The following DNM3 variants were observed in gnomAD, a reference collection of about 807,000 sequenced individuals.
DNM3 encodes the protein dynamin-3.
A neutral mutation model predicts 101.6 loss-of-function variants in DNM3; 47 were observed. That is an observed-to-expected ratio of 0.46 (90% confidence interval 0.37 to 0.59). The LOEUF is 0.59. Among genes scored for constraint, DNM3 ranks in the 20% least tolerant of loss-of-function variants. The probability of loss-of-function intolerance (pLI) is 0.00; values close to 1 mark genes in which losing one functional copy is unlikely to be tolerated. For missense variants in DNM3, 849 were observed against 1,085.7 expected, an observed-to-expected ratio of 0.78 and a Z score of 3.06; for synonymous variants, 385 against 387.9, an observed-to-expected ratio of 0.99 and a Z score of 0.09.
intron 2 of DNM3, among the ~76,000 whole-genome samples, chr1:171,947,193 A>G (rs1441160543): frequency 6.6e-6 from 1 of 152,122 alleles, no homozygotes; most frequent in African/African-American, 2.4e-5. Flanking sequence ...TATTCCTTTA[A>G]TGGCAGCATG....
intron 4 of DNM3, among the ~76,000 whole-genome samples, chr1:172,007,767 AG>A (rs2046793816): frequency 6.6e-6 from 1 of 151,960 alleles, no homozygotes; most frequent in African/African-American, 2.4e-5. Flanking sequence ...GTTTTAAAAA[AG>A]TTTAATTTAT....
intron 1 of DNM3, among the ~76,000 whole-genome samples, chr1:171,912,332 G>T (rs1257781099): frequency 6.6e-6 from 1 of 152,022 alleles, no homozygotes; most frequent in Non-Finnish European, 1.5e-5. Context: ...CTTAATAGGG[G>T]AACATTTAAT....
In DNM3 at chr1:172,408,459, C is replaced by A; in HGVS notation, c.*618C>A. 5 of 985,370 alleles carry A rather than the reference C, an allele frequency of 5.1e-6. No homozygotes were observed. Among genetic ancestry groups the A allele is most frequent in the Non-Finnish European group, 6.0e-6 (5 of 829,896 alleles). 61.0% of individuals were successfully genotyped at this position (985,370 alleles called of 1,614,324 possible). A position where few individuals can be genotyped will look rare whatever the true frequency, so the allele number is the denominator to read the frequency against. ...GCACTGTTTGCTCTAAAGAGCTTCTCCTCATTCCAATGTGTTTTGCTTCAT... is the reference window on the plus strand; with the variant it reads ...GCACTGTTTGCTCTAAAGAGCTTCTACTCATTCCAATGTGTTTTGCTTCAT... On this transcript the variant is annotated 3_prime_UTR_variant, in exon 21 of 21. Coordinates refer to ENST00000627582, the MANE Select transcript of DNM3 (RefSeq NM_015569.5).
At chr1:172,377,330 A>G (rs990204766) in intron 17 of DNM3, among the ~76,000 whole-genome samples, 8 of 151,730 alleles carry the variant, frequency 5.3e-5, no homozygotes, top group Admixed American at 5.3e-4. Flanking sequence ...GGAATACAAT[A>G]TTTGCTCAAT....
chr1:171,899,069 G>A (rs2038074008), intron 1 of DNM3, among the ~76,000 whole-genome samples: 1 of 152,188 alleles, frequency 6.6e-6, no homozygotes, highest in Non-Finnish European at 1.5e-5. Flanking sequence ...TGCCTAGCTG[G>A]GCTGAGGCAG....
intron 2 of DNM3, among the ~76,000 whole-genome samples, chr1:171,952,079 G>A (rs2042563311): frequency 6.6e-6 from 1 of 152,170 alleles, no homozygotes; most frequent in Non-Finnish European, 1.5e-5. Flanking sequence ...TAAGATAAGG[G>A]AGGTTGTGGA....
intron 14 of DNM3, among the ~76,000 whole-genome samples, chr1:172,197,907 T>C (rs1285636163): frequency 6.6e-6 from 1 of 152,158 alleles, no homozygotes; most frequent in African/African-American, 2.4e-5. Context: ...TTTTTCTTTC[T>C]CCTGCCTGAT....
rs58198768 is a variant in DNM3 at position 171,894,073 on chromosome 1, C to T, written c.162-27675C>T. On this transcript the variant is annotated intron_variant, in intron 1 of 20. Transcript: ENST00000627582. ...TCCTGACCTCATGATCTGCCCACCT[C>T]GGCCTCCCAAAGTGCTGGGATTACA... Among the ~76,000 whole-genome samples, 105 of 150,546 alleles carry T rather than the reference C, an allele frequency of 7.0e-4. 2 individuals are homozygous for T. The East Asian group carries it at 0.02, about 29-fold the overall frequency.
chr1:172,002,231 T>C (rs1264670255), intron 4 of DNM3, among the ~76,000 whole-genome samples: 1 of 152,080 alleles, frequency 6.6e-6, no homozygotes, highest in Non-Finnish European at 1.5e-5. Flanking sequence ...AATCAGTTAA[T>C]ATGTATGAAA....
chr1:171,980,194 G>A (rs1003066952), intron 2 of DNM3, among the ~76,000 whole-genome samples: 1 of 133,790 alleles, frequency 7.5e-6, no homozygotes, highest in Admixed American at 7.4e-5. Flanking sequence ...GTTTATTTTA[G>A]CAATACAGTT....
At chr1:171,852,272 A>G (rs1337188888) in intron 1 of DNM3, among the ~76,000 whole-genome samples, 1 of 152,196 alleles carries the variant, frequency 6.6e-6, no homozygotes, top group Admixed American at 6.5e-5. Context: ...TATTTTCTTT[A>G]TATGAAATTT....
chr1:171,981,319 A>C (rs1199039450), intron 2 of DNM3, among the ~76,000 whole-genome samples: 1 of 152,214 alleles, frequency 6.6e-6, no homozygotes, highest in African/African-American at 2.4e-5. Context: ...TCCAGTTAAA[A>C]TTTTGAGGAA....
At chr1:172,265,287 T>C (rs1372513273) in intron 15 of DNM3, among the ~76,000 whole-genome samples, 2 of 152,002 alleles carry the variant, frequency 1.3e-5, no homozygotes, top group Admixed American at 6.5e-5. Flanking sequence ...GGTGAATTAA[T>C]ATAATCTTTA....
At chr1:171,915,443 G>A (rs1044704110) in intron 1 of DNM3, among the ~76,000 whole-genome samples, 1 of 152,046 alleles carries the variant, frequency 6.6e-6, no homozygotes, top group Non-Finnish European at 1.5e-5. Context: ...GACAAGAGAG[G>A]GTGAATTTAA....
chr1:172,081,107 A>G (rs2053110258), intron 11 of DNM3, among the ~76,000 whole-genome samples: 1 of 150,354 alleles, frequency 6.7e-6, no homozygotes. Context: ...TTATTAAGAG[A>G]TGGGGTCTTG....
rs192851299 is a variant in DNM3 at position 172,232,558 on chromosome 1, T to C, written c.1660-21015T>C. 4.0e-4 allele frequency among the ~76,000 whole-genome samples: 61 copies of C among 152,252 alleles called. No homozygotes were observed. In the East Asian group the frequency reaches 4.6e-3, roughly 12 times the overall value. On this transcript the variant is annotated intron_variant, in intron 14 of 20. Coordinates refer to ENST00000627582, the MANE Select transcript of DNM3 (RefSeq NM_015569.5). ...CAGACCTAATAGACATCTACAGGAC[T>C]CTCCACCCCAAATCAACAGAATATA...
At chr1:172,195,462 G>A (rs1424371434) in intron 14 of DNM3, among the ~76,000 whole-genome samples, 1 of 151,664 alleles carries the variant, frequency 6.6e-6, no homozygotes, top group African/African-American at 2.4e-5. Context: ...ATATGATATT[G>A]AATGGGAGTT....
At chr1:172,184,211 C>T (rs1415895339) in intron 14 of DNM3, among the ~76,000 whole-genome samples, 1 of 152,092 alleles carries the variant, frequency 6.6e-6, no homozygotes, top group African/African-American at 2.4e-5. Context: ...CAATCCCAGA[C>T]ACACTGATGG....
chr1:171,852,010 A>G (rs2033036876), intron 1 of DNM3, among the ~76,000 whole-genome samples: 1 of 152,242 alleles, frequency 6.6e-6, no homozygotes, highest in African/African-American at 2.4e-5. Flanking sequence ...ATGGCAGGAC[A>G]TATCTTTTTA....
Sources: allele counts gnomAD v4.1 joint callset (sites outside exome capture counted in the v4.1 genomes callset), GRCh38; gene constraint gnomAD v4.1.1; transcripts MANE v1.5; gene names NCBI Gene and HGNC (gene_info 2026-07-23, HGNC 2026-07-21).